Variants in BBX observed in about 807,000 individuals in gnomAD.
BBX encodes HMG box transcription factor BBX.
BBX carries 30 observed loss-of-function variants against 100.2 expected under a neutral mutation model. That is an observed-to-expected ratio of 0.30 (90% CI 0.22 to 0.41). BBX has a LOEUF of 0.41. BBX is among the 10% of genes least tolerant of loss of function. The pLI, the probability that BBX is intolerant of heterozygous loss-of-function variation, is 1.00. For missense variants in BBX, 1,023 were observed against 1,129.8 expected (o/e 0.91, Z 1.35); for synonymous variants, 376 against 388.1 (o/e 0.97, Z 0.37).
intron 10 of BBX, among the ~76,000 whole-genome samples, chr3:107,771,811 A>T (rs2066929320): frequency 6.6e-6 from 1 of 152,186 alleles, no homozygotes; most frequent in Non-Finnish European, 1.5e-5. Flanking sequence ...GCAAATGGTT[A>T]TATCATTTCT....
At chr3:107,757,315 T>G (rs1342829816) in intron 10 of BBX, among the ~76,000 whole-genome samples, 1 of 152,098 alleles carries the variant, frequency 6.6e-6, no homozygotes, top group Non-Finnish European at 1.5e-5. Flanking sequence ...AAAGGATTCC[T>G]TATTAAATCA....
At chr3:107,801,982 G>A (rs1161741126) in intron 17 of BBX, among the ~76,000 whole-genome samples, 3 of 152,184 alleles carry the variant, frequency 2.0e-5, no homozygotes, top group African/African-American at 4.8e-5. Flanking sequence ...AGCATCAGAC[G>A]AGATCATAGA....
chr3:107,669,308 G>A (rs1296618783), intron 3 of BBX, among the ~76,000 whole-genome samples: 1 of 152,144 alleles, frequency 6.6e-6, no homozygotes, highest in Non-Finnish European at 1.5e-5. Context: ...GAGGAAGAGA[G>A]AAGGGCCGTT....
chr3:107,630,952 T>A (rs893224341), intron 2 of BBX, among the ~76,000 whole-genome samples: 3 of 152,150 alleles, frequency 2.0e-5, no homozygotes, highest in African/African-American at 7.2e-5. Context: ...GGCCCCTGAT[T>A]TCCCTATTCT....
At chr3:107,634,772 G>A (rs2056755659) in intron 2 of BBX, among the ~76,000 whole-genome samples, 1 of 152,176 alleles carries the variant, frequency 6.6e-6, no homozygotes, top group Non-Finnish European at 1.5e-5. Flanking sequence ...TGTTGATATA[G>A]CTAACGTTTG....
intron 10 of BBX, among the ~76,000 whole-genome samples, chr3:107,763,851 G>A (rs767668789): frequency 6.6e-6 from 1 of 152,048 alleles, no homozygotes. Flanking sequence ...AAACCTCAGT[G>A]CGATTTTTAT....
chr3:107,766,214 T>C lies in BBX; in HGVS notation c.907-6414T>C, dbSNP rs949940253. 3.9e-5 allele frequency among the ~76,000 whole-genome samples: 6 copies of C among 152,234 alleles called. No individual in the cohort carries two copies. The East Asian group carries it at 5.8e-4, about 15-fold the overall frequency. Reference sequence around the variant, plus strand: ...TCTCCACACACATATACACATACAATCTCAGTAAAAGAACGAGGAAGATTT... The same window carrying C: ...TCTCCACACACATATACACATACAACCTCAGTAAAAGAACGAGGAAGATTT... On this transcript the variant is annotated intron_variant, in intron 10 of 17. Transcript: ENST00000325805.
In BBX at chr3:107,580,664, CT is replaced by C. The variant is rs573772353; in HGVS notation, c.-84+54272del. Among the ~76,000 whole-genome samples the C allele has an allele frequency of 5.3e-5, 8 of 151,900 alleles. No individual in the cohort carries two copies. In the South Asian group the frequency reaches 1.2e-3, roughly 24 times the overall value. On this transcript the variant is annotated intron_variant, in intron 2 of 17. Coordinates refer to ENST00000325805, the MANE Select transcript of BBX (RefSeq NM_001142568.3). ...TTTTTAATTGAGACAGAGTTTTGCT[CT>C]TTTTTGCCCAAGCTGGAGTGCAGTG... is the stretch of plus-strand genomic sequence containing the variant.
At chr3:107,578,014 C>T (rs571549845) in intron 2 of BBX, among the ~76,000 whole-genome samples, 51 of 152,328 alleles carry the variant, frequency 3.3e-4, no homozygotes, top group Middle Eastern at 3.4e-3. Flanking sequence ...GAATTTGTAT[C>T]TAACATTGAC....
At chr3:107,793,827 G>A (rs541306012) in intron 15 of BBX, among the ~76,000 whole-genome samples, 2 of 151,968 alleles carry the variant, frequency 1.3e-5, no homozygotes, top group East Asian at 3.9e-4. Context: ...TCTTTATACT[G>A]CCCTGTGTAC....
chr3:107,735,517 CAG>C (rs1342959466), intron 7 of BBX, among the ~76,000 whole-genome samples: 1 of 152,012 alleles, frequency 6.6e-6, no homozygotes, highest in Non-Finnish European at 1.5e-5. Flanking sequence ...TATTCTTAAA[CAG>C]AGAAGGTTTT....
chr3:107,564,494 A>G (rs2050732807), intron 2 of BBX, among the ~76,000 whole-genome samples: 1 of 152,160 alleles, frequency 6.6e-6, no homozygotes, highest in South Asian at 2.1e-4. Context: ...TGATTCACAC[A>G]TTTAAGCCCT....
chr3:107,728,006 G>A (rs549023954), intron 5 of BBX, among the ~76,000 whole-genome samples: 1 of 152,284 alleles, frequency 6.6e-6, no homozygotes, highest in East Asian at 1.9e-4. Flanking sequence ...AGAGGTAGCA[G>A]AATTGAGAGA....
Position 107,807,390 on chromosome 3 carries a change from G to T in BBX, c.*1933G>T, listed in dbSNP as rs1392649151. ...TTTTGCATAATATTTTTACTATGATGCTGTTTTATTAATATTTTCTAAATT... is the reference window on the plus strand; with the variant it reads ...TTTTGCATAATATTTTTACTATGATTCTGTTTTATTAATATTTTCTAAATT... On this transcript the variant is annotated 3_prime_UTR_variant, in exon 18 of 18. Coordinates refer to ENST00000325805, the MANE Select transcript of BBX (RefSeq NM_001142568.3). 6.6e-6 allele frequency: 1 copy of T among 152,086 alleles called. No homozygotes were observed. Among genetic ancestry groups the T allele is most frequent in the Non-Finnish European group, 1.5e-5 (1 of 68,014 alleles). The allele number at this position is 152,086 out of a possible 1,614,324, so 9.4% of individuals were successfully genotyped here.
intron 10 of BBX, among the ~76,000 whole-genome samples, chr3:107,758,754 G>A (rs185446423): frequency 4.6e-5 from 7 of 152,254 alleles, no homozygotes; most frequent in African/African-American, 1.7e-4. Flanking sequence ...ATGCCATTGA[G>A]TCTTGTGTAG....
intron 17 of BBX, among the ~76,000 whole-genome samples, chr3:107,804,325 G>A (rs563753969): frequency 2.0e-5 from 3 of 152,144 alleles, no homozygotes; most frequent in Admixed American, 6.5e-5. Flanking sequence ...AAGAAGATAC[G>A]ATTTTGAAAG....
intron 2 of BBX, among the ~76,000 whole-genome samples, chr3:107,596,041 C>T (rs181755247): frequency 5.6e-4 from 85 of 152,206 alleles, no homozygotes; most frequent in Non-Finnish European, 9.3e-4. Flanking sequence ...CACAAATTGT[C>T]GCAAATCTCC....
At chr3:107,700,899 A>C (rs561046969) in intron 3 of BBX, among the ~76,000 whole-genome samples, 1 of 151,360 alleles carries the variant, frequency 6.6e-6, no homozygotes, top group Non-Finnish European at 1.5e-5. Flanking sequence ...CGCAATAAAC[A>C]TACGTGTGCA....
chr3:107,605,393 G>GT (rs1210795153), intron 2 of BBX, among the ~76,000 whole-genome samples: 1 of 151,152 alleles, frequency 6.6e-6, no homozygotes, highest in African/African-American at 2.4e-5. Context: ...TTTTGGGGGG[G>GT]GGATTTAATA....
Sources: gnomAD v4.1 joint callset for allele counts (sites outside exome capture counted in the v4.1 genomes callset) on GRCh38, gnomAD v4.1.1 for gene constraint, MANE v1.5 for transcripts, NCBI Gene and HGNC (gene_info 2026-07-23, HGNC 2026-07-21) for gene names.